Variants in TAFA1 observed in about 807,000 individuals in gnomAD.
The protein encoded by TAFA1 is chemokine-like protein TAFA-1.
In TAFA1, 4 loss-of-function variants were observed where a neutral mutation model predicts 18.5. The ratio of observed to expected loss-of-function variants is 0.22; its 90% CI spans 0.11 to 0.49. The LOEUF is 0.49. Among genes scored for constraint, TAFA1 ranks in the 20% least tolerant of loss-of-function variants. TAFA1 has a pLI of 0.98. For missense variants in TAFA1, 147 were observed against 169.0 expected (o/e 0.87, Z 0.72); for synonymous variants, 56 against 55.2 (o/e 1.01, Z -0.06).
At chr3:68,375,097 G>GTAGA (rs1374657669) in intron 2 of TAFA1, among the ~76,000 whole-genome samples, 41 of 151,826 alleles carry the variant, frequency 2.7e-4, no homozygotes, top group Non-Finnish European at 5.3e-4. Context: ...TTCTCTTTTG[G>GTAGA]CATGATTCTA....
intron 2 of TAFA1, among the ~76,000 whole-genome samples, chr3:68,289,953 G>A (rs900821153): frequency 2.6e-5 from 4 of 152,156 alleles, no homozygotes; most frequent in South Asian, 2.1e-4. Context: ...GCAAGTAAGC[G>A]GTAGAACTAG....
At chr3:68,005,031 AT>A (rs889888906) in intron 1 of TAFA1, among the ~76,000 whole-genome samples, 4 of 151,446 alleles carry the variant, frequency 2.6e-5, no homozygotes, top group Non-Finnish European at 5.9e-5. Context: ...TTGTGGCAGG[AT>A]TTTTTTTTCA....
At chr3:68,495,501 A>G (rs186412856) in intron 3 of TAFA1, among the ~76,000 whole-genome samples, 1 of 152,172 alleles carries the variant, frequency 6.6e-6, no homozygotes, top group African/African-American at 2.4e-5. Context: ...GGACCTCAAT[A>G]TATGAATTCT....
intron 2 of TAFA1, chr3:68,250,926 A>T (rs1443089028): frequency 6.6e-6 from 1 of 152,116 alleles, no homozygotes; most frequent in Non-Finnish European, 1.5e-5. Flanking sequence ...TGTAATAGTA[A>T]TTTTTAAAAT....
chr3:68,105,088 A>T (rs1207189646), intron 2 of TAFA1, among the ~76,000 whole-genome samples: 1 of 151,900 alleles, frequency 6.6e-6, no homozygotes, highest in East Asian at 1.9e-4. Flanking sequence ...GAGGTGCCAC[A>T]CTCTTTTAAA....
intron 2 of TAFA1, among the ~76,000 whole-genome samples, chr3:68,246,640 A>C: frequency 6.7e-6 from 1 of 148,228 alleles, no homozygotes; most frequent in Non-Finnish European, 1.5e-5. Context: ...GAAGGTAACT[A>C]CGGACTTCAT....
At chr3:68,438,805 C>A (rs929774295) in intron 3 of TAFA1, among the ~76,000 whole-genome samples, 3 of 152,108 alleles carry the variant, frequency 2.0e-5, no homozygotes, top group Admixed American at 6.6e-5. Context: ...AAGTTTATGG[C>A]TTGCATCTTC....
chr3:68,320,461 G>A (rs1056133367), intron 2 of TAFA1, among the ~76,000 whole-genome samples: 45 of 152,294 alleles, frequency 3.0e-4, no homozygotes, highest in Admixed American at 3.9e-4. Context: ...AAGGTACTGG[G>A]AAAGGAGACT....
chr3:68,194,175 T>C lies in TAFA1; in HGVS notation c.118+187431T>C, dbSNP rs79947928. On this transcript the variant is annotated intron_variant, in intron 2 of 4. Coordinates refer to ENST00000478136, the MANE Select transcript of TAFA1 (RefSeq NM_213609.4). ...TGCCCACTGATCAAAGCAAGTAGAA[T>C]GGCCAGCCTCAAAGTCAATGGGGTA... Among the ~76,000 whole-genome samples, 789 of 151,794 alleles carry C rather than the reference T, an allele frequency of 5.2e-3. 3 individuals carry two copies. The highest frequency in any genetic ancestry group is 0.018 in the African/African-American group (763 of 41,468).
At chr3:68,156,279 T>C (rs569751802) in intron 2 of TAFA1, among the ~76,000 whole-genome samples, 1 of 152,294 alleles carries the variant, frequency 6.6e-6, no homozygotes, top group East Asian at 1.9e-4. Flanking sequence ...AGGCTAGCCC[T>C]TCTAACTAGG....
In TAFA1 at chr3:68,286,432, C is replaced by G. The variant is rs144758981; in HGVS notation, c.119-130848C>G. ...TCAGGCTCTCTCTGAAGTTGCAGCC[C>G]TGAGTTTGAAGGAAATCAGATCAGG... On this transcript the variant is annotated intron_variant, in intron 2 of 4. Coordinates refer to ENST00000478136, the MANE Select transcript of TAFA1 (RefSeq NM_213609.4). Among the ~76,000 whole-genome samples, 904 of 151,916 alleles carry G rather than the reference C, an allele frequency of 6.0e-3. 11 individuals are homozygous for G. The highest frequency in any genetic ancestry group is 0.021 in the African/African-American group (859 of 41,426).
chr3:68,115,879 C>T (rs2065318944), intron 2 of TAFA1, among the ~76,000 whole-genome samples: 1 of 152,184 alleles, frequency 6.6e-6, no homozygotes, highest in African/African-American at 2.4e-5. Context: ...GTCCTGTTGT[C>T]ACCACAAAAC....
Position 68,097,639 on chromosome 3 carries a change from T to C in TAFA1, c.118+90895T>C, listed in dbSNP as rs1442624515. Among the ~76,000 whole-genome samples the C allele has an allele frequency of 3.3e-5, 5 of 152,288 alleles. No homozygotes were observed. In the East Asian group the frequency reaches 7.7e-4, roughly 24 times the overall value. On this transcript the variant is annotated intron_variant, in intron 2 of 4. Transcript: ENST00000478136. ...ATGTCCCCTGCCTGTATGTGGCTTA[T>C]AGTCTGGCAGAGGGGTAAGGCAGGA...
At chr3:68,414,591 G>A (rs886789966) in intron 2 of TAFA1, among the ~76,000 whole-genome samples, 42 of 152,090 alleles carry the variant, frequency 2.8e-4, no homozygotes, top group African/African-American at 9.7e-4. Flanking sequence ...AAAGTTGCTG[G>A]AATGTGTATA....
intron 2 of TAFA1, among the ~76,000 whole-genome samples, chr3:68,345,080 G>A (rs2069144043): frequency 6.6e-6 from 1 of 150,800 alleles, no homozygotes; most frequent in South Asian, 2.1e-4. Flanking sequence ...TTCATATTTA[G>A]ATCTCAGGAG....
At chr3:68,279,291 A>G (rs11708702) in intron 2 of TAFA1, among the ~76,000 whole-genome samples, 9 of 152,088 alleles carry the variant, frequency 5.9e-5, no homozygotes, top group African/African-American at 1.7e-4. Context: ...GGGTCCAGGA[A>G]TCTATTCTTT....
chr3:68,349,866 G>A (rs941001711), intron 2 of TAFA1, among the ~76,000 whole-genome samples: 2 of 152,052 alleles, frequency 1.3e-5, no homozygotes, highest in Non-Finnish European at 2.9e-5. Flanking sequence ...CAGCATCTCT[G>A]GGTCCGTATT....
At chr3:68,199,352 C>A (rs1390846282) in intron 2 of TAFA1, among the ~76,000 whole-genome samples, 1 of 151,390 alleles carries the variant, frequency 6.6e-6, no homozygotes, top group Non-Finnish European at 1.5e-5. Flanking sequence ...GACTCTTTTG[C>A]CTCTCCATAT....
intron 2 of TAFA1, among the ~76,000 whole-genome samples, chr3:68,371,325 G>C (rs2069702623): frequency 6.6e-6 from 1 of 152,000 alleles, no homozygotes; most frequent in Non-Finnish European, 1.5e-5. Context: ...CTGTCATCTA[G>C]GTTTTAAGCC....
Sources: allele counts gnomAD v4.1 joint callset (sites outside exome capture counted in the v4.1 genomes callset), GRCh38; gene constraint gnomAD v4.1.1; transcripts MANE v1.5; gene names NCBI Gene and HGNC (gene_info 2026-07-23, HGNC 2026-07-21).